The following XYLB variants were observed in gnomAD, a reference collection of about 807,000 sequenced individuals.
The protein encoded by XYLB is xylulokinase.
XYLB carries 62 observed loss-of-function variants against 78.7 expected under a neutral mutation model. The ratio of observed to expected loss-of-function variants is 0.79; its 90% CI spans 0.64 to 0.97. The LOEUF is 0.97. Ranked by LOEUF, XYLB falls within the 50% of genes least tolerant of loss-of-function variation. The pLI, the probability that XYLB is intolerant of heterozygous loss-of-function variation, is 0.00. For synonymous variants in XYLB, 245 were observed against 247.4 expected (o/e 0.99, Z 0.09); for missense variants, 687 against 676.8 (o/e 1.02, Z -0.17).
intron 2 of XYLB, among the ~76,000 whole-genome samples, chr3:38,354,763 C>G (rs1477074254): frequency 1.3e-5 from 2 of 151,596 alleles, no homozygotes; most frequent in Non-Finnish European, 2.9e-5. Context: ...CTCGGCCTCC[C>G]AGGGTGCTGG....
At chr3:38,449,703 T>C in the XYLB span, among the ~76,000 whole-genome samples, 1 of 152,226 alleles carries the variant, frequency 6.6e-6, no homozygotes, top group Non-Finnish European at 1.5e-5. Flanking sequence ...AGTAGAAGCA[T>C]GTATCAAAAG....
At chr3:38,412,275 G>A (rs1708626653) in intron 18 of XYLB, among the ~76,000 whole-genome samples, 1 of 152,210 alleles carries the variant, frequency 6.6e-6, no homozygotes, top group South Asian at 2.1e-4. Flanking sequence ...GCAGGCATGA[G>A]CTACCATGCC....
chr3:38,438,526 CAA>C, the XYLB span, among the ~76,000 whole-genome samples: 1 of 152,020 alleles, frequency 6.6e-6, no homozygotes. Context: ...CATAAGGAAC[CAA>C]AAAGAGCCTG....
At chr3:38,367,688 G>A (rs1706336422) in intron 7 of XYLB, among the ~76,000 whole-genome samples, 1 of 152,158 alleles carries the variant, frequency 6.6e-6, no homozygotes, top group Non-Finnish European at 1.5e-5. Context: ...CCTTAGGGTG[G>A]CATTGAAAAT....
chr3:38,357,490 C>T (rs192271175), intron 2 of XYLB, among the ~76,000 whole-genome samples: 36 of 152,032 alleles, frequency 2.4e-4, no homozygotes, highest in Admixed American at 2.2e-3. Context: ...GGGTTCATGC[C>T]ATTCTCCTGT....
At chr3:38,352,839 C>T (rs1369058128) in intron 2 of XYLB, among the ~76,000 whole-genome samples, 1 of 152,014 alleles carries the variant, frequency 6.6e-6, no homozygotes, top group Non-Finnish European at 1.5e-5. Flanking sequence ...GAAGGATACA[C>T]AACAAATTAA....
chr3:38,427,543 A>G, the XYLB span, among the ~76,000 whole-genome samples: 3 of 152,012 alleles, frequency 2.0e-5, no homozygotes, highest in African/African-American at 7.2e-5. Flanking sequence ...ATTGATTTCC[A>G]TTCTTTATTA....
rs1706494173 is a variant in XYLB, at chr3:38,370,380, C to T, written c.765+206C>T. 10 of 508,628 alleles carry T rather than the reference C, an allele frequency of 2.0e-5. No individual in the cohort carries two copies. The Admixed American group carries it at 3.1e-4, about 16-fold the overall frequency. The allele number at this position is 508,628 out of a possible 1,614,324, so 31.5% of individuals were successfully genotyped here. ...ATCAGTGCCTTGCACACAGTAGGTG[C>T]TCAGGTACATGCCTTATGGTCAGCG... On this transcript the variant is annotated intron_variant, in intron 9 of 18. Coordinates refer to ENST00000207870, the MANE Select transcript of XYLB (RefSeq NM_005108.4).
At chr3:38,427,375 A>C in the XYLB span, among the ~76,000 whole-genome samples, 9 of 152,168 alleles carry the variant, frequency 5.9e-5, no homozygotes, top group African/African-American at 2.2e-4. Flanking sequence ...ATTTATTAGC[A>C]TAAACTTGTT....
chr3:38,438,387 C>T, the XYLB span, among the ~76,000 whole-genome samples: 1 of 152,190 alleles, frequency 6.6e-6, no homozygotes, highest in Non-Finnish European at 1.5e-5. Context: ...ACATCCCATG[C>T]TCTTGAAACA....
chr3:38,425,917 T>C (rs1709090773), downstream of XYLB, among the ~76,000 whole-genome samples: 2 of 152,228 alleles, frequency 1.3e-5, no homozygotes, highest in African/African-American at 2.4e-5. Context: ...GAATTCTTCC[T>C]TGTATAATAC....
chr3:38,410,137 T>C (rs1183412671), intron 18 of XYLB, among the ~76,000 whole-genome samples: 1 of 152,156 alleles, frequency 6.6e-6, no homozygotes, highest in Non-Finnish European at 1.5e-5. Flanking sequence ...CAAACTATAC[T>C]ACAAGGCTAC....
chr3:38,424,559 C>G (rs115081608), downstream of XYLB, among the ~76,000 whole-genome samples: 1,000 of 152,264 alleles, frequency 6.6e-3, 2 homozygotes, highest in Non-Finnish European at 0.011. Context: ...AATGTTTTTA[C>G]AGATGGGTCT....
chr3:38,362,665 GA>G (rs930194110), intron 3 of XYLB, among the ~76,000 whole-genome samples: 139 of 150,512 alleles, frequency 9.2e-4, no homozygotes, highest in Middle Eastern at 3.4e-3. Flanking sequence ...CTGTCTCGAA[GA>G]AAAAAAAATG....
the XYLB span, among the ~76,000 whole-genome samples, chr3:38,444,683 G>A: frequency 3.3e-5 from 5 of 151,782 alleles, no homozygotes; most frequent in Middle Eastern, 3.2e-3. Flanking sequence ...CAGGGTTTGC[G>A]GGTCAAATTG....
chr3:38,438,709 T>C, the XYLB span, among the ~76,000 whole-genome samples: 1 of 152,186 alleles, frequency 6.6e-6, no homozygotes, highest in Non-Finnish European at 1.5e-5. Flanking sequence ...GAACAAAGCT[T>C]CCACAGCGTG....
chr3:38,395,076 G>A (rs925911630), intron 15 of XYLB, among the ~76,000 whole-genome samples: 2 of 152,142 alleles, frequency 1.3e-5, no homozygotes, highest in African/African-American at 4.8e-5. Context: ...TGAATGTGAG[G>A]GGGGACTACT....
At chr3:38,368,111 G>C (rs1344151977) in intron 7 of XYLB, 74 bp from the exon 8 acceptor site, 6 of 1,435,536 alleles carry the variant, frequency 4.2e-6, no homozygotes, top group Non-Finnish European at 5.9e-6. Flanking sequence ...TTCATGCTTT[G>C]TGTGTGTCAG....
In XYLB at chr3:38,399,625, A is replaced by T. The variant is rs145322000; in HGVS notation, c.1439-1266A>T. On this transcript the variant is annotated intron_variant, in intron 17 of 18. Transcript: ENST00000207870. ...TCTGGCCTTCAGGGTTGCTGATGAG[A>T]AGTATGGGGTCTGCTTCATAATTCT... Among the ~76,000 whole-genome samples, 14 of 152,268 alleles carry T rather than the reference A, an allele frequency of 9.2e-5. No individual in the cohort carries two copies. The East Asian group carries it at 2.5e-3, about 27-fold the overall frequency.
Sources: gnomAD v4.1 joint callset for allele counts (sites outside exome capture counted in the v4.1 genomes callset) on GRCh38, gnomAD v4.1.1 for gene constraint, MANE v1.5 for transcripts, NCBI Gene and HGNC (gene_info 2026-07-23, HGNC 2026-07-21) for gene names.